Variants in TANC1 observed in about 807,000 individuals in gnomAD.
TANC1 encodes the protein protein TANC1.
Under a neutral mutation model 149.7 loss-of-function variants are expected in TANC1, and 77 were observed. That is an observed-to-expected ratio of 0.51 (90% CI 0.43 to 0.62). The LOEUF (loss-of-function observed/expected upper bound fraction) is 0.62. Ranked by LOEUF, TANC1 falls within the 20% of genes least tolerant of loss-of-function variation. TANC1 has a pLI of 0.00. For missense variants in TANC1, 1,985 were observed against 2,321.8 expected (o/e 0.85, Z 2.98); for synonymous variants, 854 against 925.0 (o/e 0.92, Z 1.39).
In TANC1 at chr2:159,097,818, G is replaced by A. The variant is rs762275821; in HGVS notation, c.243G>A (p.Val81=). Residue 81 remains valine (V), a synonymous_variant, in exon 4 of 27, where the codon GTG becomes GTA. Coordinates refer to ENST00000263635, the MANE Select transcript of TANC1 (RefSeq NM_033394.3). ...PRQSHLVQSR[V]NKKSPGPVRK... is the part of the protein sequence containing the mutation. ...AGTCTCACTTGGTGCAATCAAGAGT[G>A]AACAAAAAATCCCCAGGTAAACAGG... The A allele has an allele frequency of 1.2e-6, 2 of 1,611,944 alleles. No individual in the cohort carries two copies. The highest frequency in any genetic ancestry group is 8.5e-7 in the Non-Finnish European group (1 of 1,178,548).
Position 159,229,646 on chromosome 2 carries a change from A to T in TANC1, c.4220A>T (p.Lys1407Met), listed in dbSNP as rs766849768. The T allele has an allele frequency of 6.2e-7, 1 of 1,614,084 alleles. No homozygotes were observed. The highest frequency in any genetic ancestry group is 1.7e-5 in the Admixed American group (1 of 60,018). Residue 1407 changes from lysine (K) to methionine (M), a missense_variant, in exon 27 of 27, where the codon AAG becomes ATG. Coordinates refer to ENST00000263635, the MANE Select transcript of TANC1 (RefSeq NM_033394.3). ...CTCTGTCCCACCAATCAGGAAGTCA[A>T]GAGGCTTCTGGCCCGCGTAGAAGAG... Reference protein sequence around the residue: ...VKLCPTNQEVKRLLARVEEEC... With the variant: ...VKLCPTNQEVMRLLARVEEEC...
intron 5 of TANC1, 148 bp from the exon 6 acceptor site, chr2:159,148,994 A>C: frequency 1.2e-6 from 1 of 835,782 alleles, no homozygotes; most frequent in Non-Finnish European, 1.9e-6. Flanking sequence ...ATGTATTGCT[A>C]GAGGACAGGG....
At chr2:159,125,541 T>G (rs1056017291) in intron 4 of TANC1, among the ~76,000 whole-genome samples, 1 of 151,924 alleles carries the variant, frequency 6.6e-6, no homozygotes, top group Non-Finnish European at 1.5e-5. Context: ...CAGTTCCATG[T>G]GACTGTAGGA....
intron 20 of TANC1, among the ~76,000 whole-genome samples, chr2:159,218,763 C>A (rs2059503906): frequency 6.6e-6 from 1 of 152,218 alleles, no homozygotes; most frequent in Non-Finnish European, 1.5e-5. Context: ...TCCGCCAATG[C>A]TGCATCTTAG....
At chr2:159,153,813 A>C (rs2053131034) in intron 7 of TANC1, among the ~76,000 whole-genome samples, 1 of 152,138 alleles carries the variant, frequency 6.6e-6, no homozygotes, top group Non-Finnish European at 1.5e-5. Flanking sequence ...CCATCTGAAG[A>C]GCATGCCTGT....
rs528133351 is a variant in TANC1, at chr2:158,976,263, T to C, written c.-126+7481T>C. 3.3e-5 allele frequency among the ~76,000 whole-genome samples: 5 copies of C among 152,346 alleles called. No homozygotes were observed. In the South Asian group the frequency reaches 1.0e-3, roughly 32 times the overall value. On this transcript the variant is annotated intron_variant, in intron 1 of 26. Coordinates refer to ENST00000263635, the MANE Select transcript of TANC1 (RefSeq NM_033394.3). ...AAATATTTAATGTATGAGTTGACACTGGTTGGTATATCTGGTAGTCTTTTA... is the reference window on the plus strand; with the variant it reads ...AAATATTTAATGTATGAGTTGACACCGGTTGGTATATCTGGTAGTCTTTTA...
intron 3 of TANC1, among the ~76,000 whole-genome samples, chr2:159,095,004 G>A (rs2045951299): frequency 6.6e-6 from 1 of 151,922 alleles, no homozygotes; most frequent in South Asian, 2.1e-4. Flanking sequence ...AGAGTGCAGT[G>A]GTGTGATCTC....
intron 7 of TANC1, among the ~76,000 whole-genome samples, chr2:159,154,905 T>C (rs1438024883): frequency 2.6e-5 from 4 of 152,210 alleles, no homozygotes; most frequent in South Asian, 2.1e-4. Context: ...AGAAAAACTT[T>C]ACAGAGTATG....
chr2:158,974,128 A>G (rs2033305159), intron 1 of TANC1, among the ~76,000 whole-genome samples: 1 of 152,200 alleles, frequency 6.6e-6, no homozygotes, highest in Non-Finnish European at 1.5e-5. Context: ...GATGGTCACC[A>G]TACAACAGCA....
At chr2:159,003,987 G>A in intron 2 of TANC1, 1 of 1,612,494 alleles carries the variant, frequency 6.2e-7, no homozygotes, top group Non-Finnish European at 8.5e-7. Context: ...AAAACTGGCT[G>A]TGAATAATAT....
At chr2:159,180,928 A>G (rs2056406714) in intron 14 of TANC1, among the ~76,000 whole-genome samples, 1 of 152,188 alleles carries the variant, frequency 6.6e-6, no homozygotes, top group East Asian at 1.9e-4. Flanking sequence ...AGAAGCTCCC[A>G]GCGTAAGTAA....
At chr2:159,182,207 C>CAAAAAAA (rs11437110) in intron 14 of TANC1, among the ~76,000 whole-genome samples, 2 of 149,744 alleles carry the variant, frequency 1.3e-5, no homozygotes. Flanking sequence ...AAAACTGTCT[C>CAAAAAAA]AAAAAAAAAG....
At chr2:159,066,244 T>C (rs528197525) in intron 3 of TANC1, among the ~76,000 whole-genome samples, 15 of 152,216 alleles carry the variant, frequency 9.9e-5, no homozygotes, top group African/African-American at 3.4e-4. Context: ...CACTTTCCTC[T>C]ACAAAAAAAT....
intron 1 of TANC1, among the ~76,000 whole-genome samples, chr2:158,998,655 G>A (rs1015923570): frequency 2.0e-5 from 3 of 152,206 alleles, no homozygotes; most frequent in Admixed American, 6.5e-5. Flanking sequence ...GTACTTGTGG[G>A]TGCTGGGGCA....
chr2:158,988,325 C>CTAAA (rs2035243126), intron 1 of TANC1, among the ~76,000 whole-genome samples: 1 of 87,418 alleles, frequency 1.1e-5, no homozygotes. Flanking sequence ...GACCCTGTCC[C>CTAAA]AAAAAAAAAA....
intron 2 of TANC1, among the ~76,000 whole-genome samples, chr2:159,040,179 C>CT (rs200945284): frequency 4.0e-5 from 6 of 151,864 alleles, no homozygotes; most frequent in Non-Finnish European, 5.9e-5. Flanking sequence ...GCAACCCCTG[C>CT]TTTTTTTTGC....
At chr2:159,019,311 G>A (rs1056949974) in intron 2 of TANC1, among the ~76,000 whole-genome samples, 1 of 152,206 alleles carries the variant, frequency 6.6e-6, no homozygotes, top group African/African-American at 2.4e-5. Flanking sequence ...GGAGTGATGG[G>A]AATAGAGATT....
intron 19 of TANC1, among the ~76,000 whole-genome samples, chr2:159,208,444 T>C (rs2058767592): frequency 1.3e-5 from 2 of 152,206 alleles, no homozygotes; most frequent in Admixed American, 6.5e-5. Flanking sequence ...GAGGTTCCTG[T>C]TTAATCTTGA....
chr2:159,202,485 A>G (rs569057531), intron 19 of TANC1, among the ~76,000 whole-genome samples: 1 of 152,200 alleles, frequency 6.6e-6, no homozygotes, highest in Non-Finnish European at 1.5e-5. Flanking sequence ...ACCAGCATCC[A>G]GGACCATTTG....
Sources: gnomAD v4.1 joint callset for allele counts (sites outside exome capture counted in the v4.1 genomes callset) on GRCh38, gnomAD v4.1.1 for gene constraint, MANE v1.5 for transcripts, NCBI Gene and HGNC (gene_info 2026-07-23, HGNC 2026-07-21) for gene names.